GRIN2A: variants seen among roughly 807,000 people sequenced by gnomAD.
The protein encoded by GRIN2A is glutamate ionotropic receptor NMDA type subunit 2A, also known as glutamate receptor ionotropic, NMDA 2A.
GRIN2A carries 22 observed loss-of-function variants against 113.4 expected under a neutral mutation model. That is an observed-to-expected ratio of 0.19 (90% CI 0.14 to 0.28). The LOEUF (loss-of-function observed/expected upper bound fraction) is 0.28, where lower values mean the gene tolerates loss of function less well. GRIN2A is among the 10% of genes least tolerant of loss of function. The probability of loss-of-function intolerance (pLI) is 1.00; values close to 1 mark genes in which losing one functional copy is unlikely to be tolerated. For missense variants in GRIN2A, 1,502 were observed against 1,887.0 expected (o/e 0.80, Z 3.78); for synonymous variants, 827 against 738.4 (o/e 1.12, Z -1.94).
intron 2 of GRIN2A, among the ~76,000 whole-genome samples, chr16:10,045,287 A>C (rs1286528911): frequency 6.6e-6 from 1 of 152,162 alleles, no homozygotes; most frequent in African/African-American, 2.4e-5. Flanking sequence ...CTCCTTCAGG[A>C]AAGTATTATT....
At chr16:9,832,320 C>T (rs777635407) in intron 8 of GRIN2A, among the ~76,000 whole-genome samples, 20 of 152,108 alleles carry the variant, frequency 1.3e-4, no homozygotes, top group African/African-American at 4.6e-4. Context: ...GTTCCTTTTA[C>T]ATGAAATGAC....
At chr16:9,930,300 T>C (rs1242484868) in intron 3 of GRIN2A, among the ~76,000 whole-genome samples, 1 of 152,172 alleles carries the variant, frequency 6.6e-6, no homozygotes, top group Non-Finnish European at 1.5e-5. Context: ...TCCCTATTCT[T>C]GGAATTTTCT....
intron 2 of GRIN2A, among the ~76,000 whole-genome samples, chr16:10,149,139 A>G (rs555851938): frequency 6.6e-6 from 1 of 152,350 alleles, no homozygotes; most frequent in Non-Finnish European, 1.5e-5. Flanking sequence ...GAAAGAACGA[A>G]TAAGATATGG....
At chr16:9,891,211 C>T (rs768613976) in intron 3 of GRIN2A, 111 bp from the exon 4 acceptor site, 3 of 717,044 alleles carry the variant, frequency 4.2e-6, no homozygotes, top group Admixed American at 2.0e-5. Flanking sequence ...ACTTACAATG[C>T]TATATTCATC....
intron 2 of GRIN2A, among the ~76,000 whole-genome samples, chr16:9,984,687 C>T (rs893133124): frequency 6.6e-6 from 1 of 152,194 alleles, no homozygotes; most frequent in Admixed American, 6.5e-5. Flanking sequence ...AGAGGCATCA[C>T]GAGTAACTTG....
intron 4 of GRIN2A, among the ~76,000 whole-genome samples, chr16:9,880,482 C>T (rs567499664): frequency 2.0e-5 from 3 of 152,240 alleles, no homozygotes; most frequent in South Asian, 2.1e-4. Context: ...GGGTGAGGCT[C>T]GCCCCAATAA....
chr16:10,112,578 T>C, intron 2 of GRIN2A: 1 of 772,032 alleles, frequency 1.3e-6, no homozygotes, highest in Non-Finnish European at 2.4e-6. Context: ...CGGCGAGTAC[T>C]TCTTCTCAGA....
At chr16:9,791,662 G>A (rs2077230808) in intron 11 of GRIN2A, among the ~76,000 whole-genome samples, 1 of 152,128 alleles carries the variant, frequency 6.6e-6, no homozygotes, top group Non-Finnish European at 1.5e-5. Context: ...CCATCCAGCG[G>A]CCCAGAGCAA....
chr16:9,866,586 T>G (rs2043163714), intron 4 of GRIN2A, among the ~76,000 whole-genome samples: 1 of 152,176 alleles, frequency 6.6e-6, no homozygotes, highest in South Asian at 2.1e-4. Context: ...CCTTGGGAAA[T>G]CCCTCTGACT....
intron 3 of GRIN2A, among the ~76,000 whole-genome samples, chr16:9,893,703 G>A (rs1029036048): frequency 1.3e-5 from 2 of 152,146 alleles, no homozygotes; most frequent in Non-Finnish European, 2.9e-5. Context: ...CTGACCTCAG[G>A]TGATCCGCCT....
intron 4 of GRIN2A, among the ~76,000 whole-genome samples, chr16:9,879,791 T>C (rs1430343934): frequency 6.6e-6 from 1 of 152,230 alleles, no homozygotes; most frequent in African/African-American, 2.4e-5. Flanking sequence ...AGTCCTGATA[T>C]GAGGATTAAA....
intron 3 of GRIN2A, among the ~76,000 whole-genome samples, chr16:9,910,652 C>A (rs543948509): frequency 6.6e-6 from 1 of 151,700 alleles, no homozygotes; most frequent in East Asian, 2.0e-4. Flanking sequence ...ATTCTCCTGC[C>A]TCAGCCTCCT....
At chr16:10,022,387 T>C (rs1421142955) in intron 2 of GRIN2A, among the ~76,000 whole-genome samples, 1 of 151,976 alleles carries the variant, frequency 6.6e-6, no homozygotes, top group Non-Finnish European at 1.5e-5. Flanking sequence ...TTGCTGTTCC[T>C]CCATGTCCCA....
intron 2 of GRIN2A, among the ~76,000 whole-genome samples, chr16:10,170,181 T>A (rs527788876): frequency 5.9e-5 from 9 of 152,330 alleles, no homozygotes; most frequent in African/African-American, 2.2e-4. Context: ...ATGAGCCAGA[T>A]TCAGCGTGCA....
At chr16:10,145,900 G>A (rs1018152876) in intron 2 of GRIN2A, among the ~76,000 whole-genome samples, 3 of 152,132 alleles carry the variant, frequency 2.0e-5, no homozygotes, top group Non-Finnish European at 2.9e-5. Flanking sequence ...ACCTTGATAT[G>A]GCAAAATCCA....
chr16:9,876,486 T>A (rs1354864791), intron 4 of GRIN2A, among the ~76,000 whole-genome samples: 1 of 152,136 alleles, frequency 6.6e-6, no homozygotes, highest in African/African-American at 2.4e-5. Context: ...GCAGCCTCCA[T>A]ACACTAGCGT....
At chr16:9,990,551 G>A (rs555339503) in intron 2 of GRIN2A, among the ~76,000 whole-genome samples, 118 of 99,010 alleles carry the variant, frequency 1.2e-3, no homozygotes, top group African/African-American at 3.7e-3. Flanking sequence ...CTACACGCGC[G>A]CGCGCGCGCG....
intron 2 of GRIN2A, chr16:9,970,685 G>A (rs946604180): frequency 3.2e-6 from 2 of 623,166 alleles, no homozygotes; most frequent in Non-Finnish European, 2.0e-6. Flanking sequence ...TCTCTGATGA[G>A]CTAGACACAA....
chr16:10,153,757 C>G (rs1179599547), intron 2 of GRIN2A, among the ~76,000 whole-genome samples: 1 of 152,158 alleles, frequency 6.6e-6, no homozygotes, highest in Admixed American at 6.5e-5. Flanking sequence ...GAACACTCAC[C>G]TCATCTAGAC....
Sources: allele counts gnomAD v4.1 joint callset (sites outside exome capture counted in the v4.1 genomes callset), GRCh38; gene constraint gnomAD v4.1.1; transcripts MANE v1.5; gene names NCBI Gene and HGNC (gene_info 2026-07-23, HGNC 2026-07-21).